Variants in SIL1 observed in about 807,000 individuals in gnomAD.
SIL1 encodes the protein nucleotide exchange factor SIL1.
In SIL1, 40 loss-of-function variants were observed where a neutral mutation model predicts 49.1. The observed-to-expected ratio is 0.81, with a 90% CI of 0.63 to 1.06. The LOEUF (loss-of-function observed/expected upper bound fraction) is 1.06, where lower values mean the gene tolerates loss of function less well. Ranked by LOEUF, SIL1 falls within the 50% of genes least tolerant of loss-of-function variation. The probability of loss-of-function intolerance (pLI) is 0.00; values close to 1 mark genes in which losing one functional copy is unlikely to be tolerated. For missense variants in SIL1, 500 were observed against 572.6 expected (o/e 0.87, Z 1.29); for synonymous variants, 253 against 250.8 (o/e 1.01, Z -0.08).
intron 2 of SIL1, among the ~76,000 whole-genome samples, chr5:139,126,689 G>A (rs935274459): frequency 3.9e-5 from 6 of 152,212 alleles, no homozygotes; most frequent in Non-Finnish European, 4.4e-5. Flanking sequence ...ACTCCTAACT[G>A]TATGTTTTCC....
intron 3 of SIL1, among the ~76,000 whole-genome samples, chr5:139,085,478 G>C (rs186923233): frequency 6.6e-6 from 1 of 152,174 alleles, no homozygotes; most frequent in African/African-American, 2.4e-5. Context: ...AAACTAGGTA[G>C]GGAGCTGTTG....
intron 7 of SIL1, among the ~76,000 whole-genome samples, chr5:138,963,427 T>C (rs1369769040): frequency 6.6e-6 from 1 of 152,214 alleles, no homozygotes; most frequent in Non-Finnish European, 1.5e-5. Flanking sequence ...GGGCCTATTT[T>C]GCGTTTGCCA....
At chr5:139,112,987 A>G (rs1175679616) in intron 3 of SIL1, among the ~76,000 whole-genome samples, 3 of 152,264 alleles carry the variant, frequency 2.0e-5, no homozygotes, top group Admixed American at 6.5e-5. Flanking sequence ...CTGTTCATCT[A>G]TGACCTTGCC....
chr5:139,019,403 G>A (rs916015571), intron 7 of SIL1, among the ~76,000 whole-genome samples: 1 of 152,114 alleles, frequency 6.6e-6, no homozygotes, highest in African/African-American at 2.4e-5. Context: ...AAAAGCTCTG[G>A]CGCCATACCA....
intron 7 of SIL1, among the ~76,000 whole-genome samples, chr5:138,979,458 C>A (rs1767468718): frequency 6.6e-6 from 1 of 152,182 alleles, no homozygotes; most frequent in Admixed American, 6.5e-5. Context: ...CCACCACATC[C>A]TCAGTCTAGC....
intron 1 of SIL1, among the ~76,000 whole-genome samples, chr5:139,173,650 A>G (rs1433948665): frequency 6.6e-6 from 1 of 152,050 alleles, no homozygotes; most frequent in Non-Finnish European, 1.5e-5. Context: ...TGTACATTAA[A>G]AAACAGGAAA....
intron 1 of SIL1, among the ~76,000 whole-genome samples, chr5:139,179,561 AG>A (rs1751945909): frequency 6.6e-6 from 1 of 152,136 alleles, no homozygotes; most frequent in African/African-American, 2.4e-5. Flanking sequence ...TCTCTTATGT[AG>A]GGTAGGCAGG....
intron 1 of SIL1, among the ~76,000 whole-genome samples, chr5:139,191,884 G>C (rs1365812499): frequency 1.3e-5 from 2 of 151,962 alleles, no homozygotes; most frequent in Non-Finnish European, 2.9e-5. Context: ...AGACCAGCCT[G>C]GCCAATATGG....
chr5:139,005,615 A>T (rs1554126083), intron 7 of SIL1, among the ~76,000 whole-genome samples: 1 of 79,184 alleles, frequency 1.3e-5, no homozygotes. Flanking sequence ...CCCCCACCCC[A>T]CCACAGTCCC....
intron 7 of SIL1, among the ~76,000 whole-genome samples, chr5:139,011,434 AC>A (rs1402695561): frequency 1.3e-5 from 2 of 152,160 alleles, no homozygotes; most frequent in Non-Finnish European, 2.9e-5. Context: ...TGCGTCGGTC[AC>A]GCTGGGAGCT....
chr5:138,988,751 T>G (rs983217495), intron 7 of SIL1, among the ~76,000 whole-genome samples: 1 of 152,114 alleles, frequency 6.6e-6, no homozygotes, highest in Non-Finnish European at 1.5e-5. Context: ...TACGTACCTG[T>G]GGTCCCAGCT....
At chr5:139,032,805 G>T (rs1768821099) in intron 5 of SIL1, 1 of 152,094 alleles carries the variant, frequency 6.6e-6, no homozygotes, top group Non-Finnish European at 1.5e-5. Flanking sequence ...TTATAAAACA[G>T]CTGGACTATT....
Position 139,076,447 on chromosome 5 carries a change from C to G in SIL1, c.245-25401G>C, listed in dbSNP as rs558030718. On this transcript the variant is annotated intron_variant, in intron 3 of 9. Transcript: ENST00000394817. Reference sequence around the variant, plus strand: ...ATATGTTACCATTTCACTTTAGTAACAGAAGCTAAAAGTCAAATGCATTAC... The same window carrying G: ...ATATGTTACCATTTCACTTTAGTAAGAGAAGCTAAAAGTCAAATGCATTAC... Among the ~76,000 whole-genome samples, 29 of 152,266 alleles carry G rather than the reference C, an allele frequency of 1.9e-4. 1 individual carries two copies. In the South Asian group the frequency reaches 5.2e-3, roughly 27 times the overall value.
At chr5:139,147,947 G>A (rs1026306431) in intron 1 of SIL1, among the ~76,000 whole-genome samples, 3 of 152,074 alleles carry the variant, frequency 2.0e-5, no homozygotes, top group African/African-American at 7.2e-5. Flanking sequence ...CATATCCCTG[G>A]GGAAGTGCCA....
intron 7 of SIL1, among the ~76,000 whole-genome samples, chr5:138,957,304 C>T (rs1284601378): frequency 6.6e-6 from 1 of 151,754 alleles, no homozygotes; most frequent in Non-Finnish European, 1.5e-5. Context: ...GGTGTGGTGG[C>T]TCATGCCTGT....
At chr5:139,084,238 G>T (rs1367165957) in intron 3 of SIL1, among the ~76,000 whole-genome samples, 4 of 150,312 alleles carry the variant, frequency 2.7e-5, no homozygotes, top group Non-Finnish European at 5.9e-5. Context: ...ATTCCTCAGG[G>T]ATCTAGAACT....
chr5:138,972,170 T>A (rs968657962), intron 7 of SIL1, among the ~76,000 whole-genome samples: 1 of 152,118 alleles, frequency 6.6e-6, no homozygotes, highest in Non-Finnish European at 1.5e-5. Context: ...GTTCCTGAGC[T>A]CTGCACATTC....
chr5:139,016,729 A>T (rs1228624425), intron 7 of SIL1: 1 of 146,632 alleles, frequency 6.8e-6, no homozygotes, highest in Non-Finnish European at 1.6e-5. Flanking sequence ...ACTCTTGAAA[A>T]ATTTCAGGGA....
At chr5:139,080,700 A>T (rs1770054216) in intron 3 of SIL1, among the ~76,000 whole-genome samples, 1 of 152,198 alleles carries the variant, frequency 6.6e-6, no homozygotes, top group Admixed American at 6.5e-5. Context: ...ATGCTTTTAG[A>T]TCAATTCTTA....
Sources: gnomAD v4.1 joint callset for allele counts (sites outside exome capture counted in the v4.1 genomes callset) on GRCh38, gnomAD v4.1.1 for gene constraint, MANE v1.5 for transcripts, NCBI Gene and HGNC (gene_info 2026-07-23, HGNC 2026-07-21) for gene names.